Variants in CPXM2 observed in about 807,000 individuals in gnomAD.
CPXM2 encodes the protein carboxypeptidase X, M14 family member 2.
CPXM2 carries 66 observed loss-of-function variants against 86.1 expected under a neutral mutation model. That is an observed-to-expected ratio of 0.77 (90% CI 0.63 to 0.94). The LOEUF is 0.94. CPXM2 is among the 40% of genes least tolerant of loss of function. The probability of loss-of-function intolerance (pLI) is 0.00; values close to 1 mark genes in which losing one functional copy is unlikely to be tolerated. For synonymous variants in CPXM2, 388 were observed against 400.2 expected, an observed-to-expected ratio of 0.97 and a Z score of 0.36; for missense variants, 948 against 1,026.3, an observed-to-expected ratio of 0.92 and a Z score of 1.04.
chr10:123,751,838 G>C (rs948064024), intron 13 of CPXM2: 9 of 985,120 alleles, frequency 9.1e-6, no homozygotes, highest in Non-Finnish European at 9.6e-6. Flanking sequence ...TCTGTCATGA[G>C]AATACACTGG....
At chr10:123,764,815 T>G (rs192993769) in intron 10 of CPXM2, among the ~76,000 whole-genome samples, 1 of 152,146 alleles carries the variant, frequency 6.6e-6, no homozygotes, top group African/African-American at 2.4e-5. Flanking sequence ...TTAATTTATT[T>G]ATTTATTTGC....
intron 3 of CPXM2, 38 bp from the exon 4 acceptor site, chr10:123,842,526 T>C: frequency 6.2e-7 from 1 of 1,602,318 alleles, no homozygotes; most frequent in Non-Finnish European, 8.5e-7. Context: ...AAAAAGACTC[T>C]TAATTGAAGA....
At chr10:123,849,517 T>G (rs901417125) in intron 3 of CPXM2, among the ~76,000 whole-genome samples, 1 of 148,556 alleles carries the variant, frequency 6.7e-6, no homozygotes, top group African/African-American at 2.5e-5. Context: ...CTCAGCTCAC[T>G]GCAACCTCTG....
chr10:123,840,212 C>T (rs1848359246), intron 4 of CPXM2, among the ~76,000 whole-genome samples: 1 of 152,196 alleles, frequency 6.6e-6, no homozygotes, highest in Non-Finnish European at 1.5e-5. Flanking sequence ...ACCCAACTGC[C>T]CCCTTAAATT....
intron 8 of CPXM2, 147 bp downstream of exon 8, chr10:123,770,769 G>A: frequency 1.3e-6 from 1 of 799,406 alleles, no homozygotes; most frequent in Non-Finnish European, 2.0e-6. Flanking sequence ...GAGCCAACAT[G>A]GGCAAAATCT....
chr10:123,916,150 C>T (rs1175938217), intron 2 of CPXM2, among the ~76,000 whole-genome samples: 1 of 152,148 alleles, frequency 6.6e-6, no homozygotes, highest in Admixed American at 6.5e-5. Context: ...GCATCTCAGC[C>T]ACCAAATATT....
intron 2 of CPXM2, among the ~76,000 whole-genome samples, chr10:123,903,731 C>T (rs1017421939): frequency 2.6e-5 from 4 of 152,228 alleles, no homozygotes; most frequent in African/African-American, 9.6e-5. Flanking sequence ...GAGAGCATTC[C>T]CCAGTTGGCA....
intron 2 of CPXM2, among the ~76,000 whole-genome samples, chr10:123,905,421 T>A (rs2363934): frequency 0.75 from 113,556 of 152,054 alleles, 43,655 homozygotes; most frequent in African/African-American, 0.93. Context: ...GCCACTCTCT[T>A]TGCCTGAGGC....
intron 4 of CPXM2, among the ~76,000 whole-genome samples, chr10:123,818,027 C>A (rs888558957): frequency 2.0e-5 from 3 of 152,138 alleles, no homozygotes; most frequent in African/African-American, 7.2e-5. Flanking sequence ...TTGAAAGAAG[C>A]ATGATTAGAA....
At chr10:123,820,707 A>G (rs1205584775) in intron 4 of CPXM2, among the ~76,000 whole-genome samples, 1 of 152,050 alleles carries the variant, frequency 6.6e-6, no homozygotes, top group Non-Finnish European at 1.5e-5. Flanking sequence ...TGCCTTTTCC[A>G]GCTTCCAGAG....
chr10:123,883,180 C>T (rs879704932), intron 1 of CPXM2, among the ~76,000 whole-genome samples: 3 of 152,252 alleles, frequency 2.0e-5, no homozygotes, highest in African/African-American at 7.2e-5. Flanking sequence ...TCCTACTACA[C>T]TGACAGTGTG....
chr10:123,883,890 T>C (rs868038192), intron 1 of CPXM2, among the ~76,000 whole-genome samples: 3 of 152,056 alleles, frequency 2.0e-5, no homozygotes, highest in African/African-American at 4.8e-5. Flanking sequence ...ATGGAAACAG[T>C]GTGCAGAGAA....
chr10:123,748,990 C>T (rs779647535), intron 13 of CPXM2, among the ~76,000 whole-genome samples: 2 of 152,232 alleles, frequency 1.3e-5, no homozygotes, highest in African/African-American at 4.8e-5. Context: ...CTGTGCTCAA[C>T]ATGCGTGCCA....
chr10:123,748,879 G>C (rs1183697048), intron 13 of CPXM2, among the ~76,000 whole-genome samples: 1 of 151,772 alleles, frequency 6.6e-6, no homozygotes, highest in Non-Finnish European at 1.5e-5. Context: ...CCCTCTCCAT[G>C]CTACCAGGCA....
At chr10:123,828,080 A>G (rs1848084588) in intron 4 of CPXM2, among the ~76,000 whole-genome samples, 1 of 152,180 alleles carries the variant, frequency 6.6e-6, no homozygotes, top group Non-Finnish European at 1.5e-5. Context: ...CTGAGTCAGG[A>G]AGATTGCTTC....
At chr10:123,836,487 T>A (rs1848284133) in intron 4 of CPXM2, among the ~76,000 whole-genome samples, 2 of 151,954 alleles carry the variant, frequency 1.3e-5, no homozygotes, top group South Asian at 4.2e-4. Context: ...CAGCTGCAAC[T>A]GCCACCAACT....
At chr10:123,829,589 A>G (rs1481282837) in intron 4 of CPXM2, among the ~76,000 whole-genome samples, 1 of 152,172 alleles carries the variant, frequency 6.6e-6, no homozygotes, top group Non-Finnish European at 1.5e-5. Flanking sequence ...AGATATGCCA[A>G]TTCTCCCTCA....
chr10:123,926,108 G>T (rs997866301), intron 2 of CPXM2, among the ~76,000 whole-genome samples: 3 of 152,206 alleles, frequency 2.0e-5, no homozygotes, highest in Non-Finnish European at 4.4e-5. Flanking sequence ...TTCCAAGCGG[G>T]CCAGAGGGCC....
At chr10:123,804,579 T>C (rs1342767430) in intron 4 of CPXM2, among the ~76,000 whole-genome samples, 1 of 152,194 alleles carries the variant, frequency 6.6e-6, no homozygotes, top group Non-Finnish European at 1.5e-5. Context: ...AATTTTTTAA[T>C]TAGGTCCAAT....
Sources: gnomAD v4.1 joint callset for allele counts (sites outside exome capture counted in the v4.1 genomes callset) on GRCh38, gnomAD v4.1.1 for gene constraint, MANE v1.5 for transcripts, NCBI Gene and HGNC (gene_info 2026-07-23, HGNC 2026-07-21) for gene names.